Variants in HDAC4 observed in about 807,000 individuals in gnomAD.
HDAC4 encodes the protein histone deacetylase A.
A neutral mutation model predicts 135.1 loss-of-function variants in HDAC4; 16 were observed. The observed-to-expected ratio is 0.12, with a 90% CI of 0.08 to 0.18. The LOEUF (loss-of-function observed/expected upper bound fraction) is 0.18, where lower values mean the gene tolerates loss of function less well. Among genes scored for constraint, HDAC4 ranks in the 10% least tolerant of loss-of-function variants. HDAC4 has a pLI of 1.00. For synonymous variants in HDAC4, 685 were observed against 653.4 expected (o/e 1.05, Z -0.74); for missense variants, 1,143 against 1,511.8 (o/e 0.76, Z 4.05).
At chr2:239,373,860 G>A (rs1349795090) in intron 1 of HDAC4, among the ~76,000 whole-genome samples, 2 of 152,186 alleles carry the variant, frequency 1.3e-5, no homozygotes, top group African/African-American at 4.8e-5. Flanking sequence ...GGGTCAATGA[G>A]GACGGGTCCT....
chr2:239,367,580 T>C (rs1694303562), intron 1 of HDAC4, among the ~76,000 whole-genome samples: 1 of 152,160 alleles, frequency 6.6e-6, no homozygotes, highest in African/African-American at 2.4e-5. Context: ...AGTGGAAAAT[T>C]CCATACCTGA....
intron 1 of HDAC4, among the ~76,000 whole-genome samples, chr2:239,389,912 G>A (rs956793046): frequency 2.0e-5 from 3 of 152,202 alleles, no homozygotes; most frequent in South Asian, 2.1e-4. Context: ...AGTTCAATAC[G>A]TGGCTGGAGC....
In HDAC4 at chr2:239,176,525, C is replaced by T. The variant is rs1231524910; in HGVS notation, c.378G>A (p.Glu126=). 5 of 1,613,380 alleles carry T rather than the reference C, an allele frequency of 3.1e-6. No individual in the cohort carries two copies. The South Asian group carries it at 4.4e-5, about 14-fold the overall frequency. Residue 126 remains glutamate, a synonymous_variant, in exon 5 of 27, where the codon GAG becomes GAA. Coordinates refer to ENST00000543185, the MANE Select transcript of HDAC4 (RefSeq NM_001378414.1). The stretch of plus-strand genomic sequence containing the variant: ...CCAGCTTCCGCTGGTGTTCCAGCAG[C>T]TCCTGCTGGTGCTTCATGGCCAGCA... ...QEMLAMKHQQ[E]LLEHQRKLER...
chr2:239,399,162 G>C (rs1051913305), intron 1 of HDAC4, among the ~76,000 whole-genome samples: 3 of 152,112 alleles, frequency 2.0e-5, no homozygotes, highest in African/African-American at 4.8e-5. Flanking sequence ...ATTGAACACA[G>C]ATTTTAGAAT....
intron 3 of HDAC4, among the ~76,000 whole-genome samples, chr2:239,236,318 T>C (rs2153179564): frequency 6.6e-6 from 1 of 152,306 alleles, no homozygotes; most frequent in East Asian, 1.9e-4. Flanking sequence ...AGCCAGGCAG[T>C]TGGTGCCTTT....
At chr2:239,208,326 CAAAAAAAA>C (rs759398313) in intron 3 of HDAC4, among the ~76,000 whole-genome samples, 2 of 68,214 alleles carry the variant, frequency 2.9e-5, no homozygotes, top group African/African-American at 1.0e-4. Context: ...GACTCCGTCC[CAAAAAAAA>C]AAAAAAAAAA....
At chr2:239,136,978 T>G (rs1559495175) in intron 9 of HDAC4, among the ~76,000 whole-genome samples, 1 of 152,208 alleles carries the variant, frequency 6.6e-6, no homozygotes, top group Non-Finnish European at 1.5e-5. Context: ...CTAGGCAATT[T>G]TTTTTTTGTC....
chr2:239,055,506 C>T (rs1574842728), intron 24 of HDAC4, among the ~76,000 whole-genome samples: 1 of 152,210 alleles, frequency 6.6e-6, no homozygotes, highest in East Asian at 1.9e-4. Context: ...CACTTGAGGT[C>T]AGGCGTTCCA....
intron 2 of HDAC4, among the ~76,000 whole-genome samples, chr2:239,279,018 C>A (rs1195300346): frequency 6.6e-6 from 1 of 152,182 alleles, no homozygotes; most frequent in East Asian, 1.9e-4. Flanking sequence ...GACTGAAAAA[C>A]CAGAAAGAAA....
intron 2 of HDAC4, chr2:239,298,120 G>A (rs566632599): frequency 1.0e-6 from 1 of 1,000,428 alleles, no homozygotes; most frequent in Admixed American, 2.3e-5. Flanking sequence ...AAAATTAATG[G>A]ACTAAAACAT....
At chr2:239,304,072 G>C (rs2052431667) in intron 2 of HDAC4, among the ~76,000 whole-genome samples, 1 of 152,252 alleles carries the variant, frequency 6.6e-6, no homozygotes, top group Non-Finnish European at 1.5e-5. Flanking sequence ...TGCAGGCCCA[G>C]CTCCCCGACC....
intron 1 of HDAC4, among the ~76,000 whole-genome samples, chr2:239,393,329 A>G (rs1441688308): frequency 6.6e-6 from 1 of 152,206 alleles, no homozygotes; most frequent in Non-Finnish European, 1.5e-5. Flanking sequence ...ACCCAGCTGG[A>G]GCCAGGCACC....
At chr2:239,280,257 G>C (rs2050626788) in intron 2 of HDAC4, among the ~76,000 whole-genome samples, 1 of 152,212 alleles carries the variant, frequency 6.6e-6, no homozygotes, top group Non-Finnish European at 1.5e-5. Context: ...GGGCAAAGCT[G>C]ATGTGCGAGT....
At chr2:239,076,195 G>A (rs1011514727) in intron 22 of HDAC4, among the ~76,000 whole-genome samples, 1 of 151,386 alleles carries the variant, frequency 6.6e-6, no homozygotes, top group African/African-American at 2.4e-5. Context: ...GGGTTGGGTT[G>A]GAACAGCAGG....
At chr2:239,348,908 A>G (rs1388424865) in intron 2 of HDAC4, among the ~76,000 whole-genome samples, 1 of 152,266 alleles carries the variant, frequency 6.6e-6, no homozygotes, top group African/African-American at 2.4e-5. Context: ...CAGCGGGAAC[A>G]GCAATAAAAC....
At chr2:239,107,688 G>A (rs535410957) in intron 15 of HDAC4, among the ~76,000 whole-genome samples, 1 of 152,244 alleles carries the variant, frequency 6.6e-6, no homozygotes, top group Non-Finnish European at 1.5e-5. Flanking sequence ...TGGCAGCCCT[G>A]GGGGAGCATG....
chr2:239,150,203 G>GTACACACACAGACACACAGA (rs2042022155), intron 7 of HDAC4, among the ~76,000 whole-genome samples: 3 of 151,748 alleles, frequency 2.0e-5, no homozygotes, highest in African/African-American at 7.3e-5. Context: ...AGAAACACAG[G>GTACACACACAGACACACAGA]TACACACACA....
Position 239,134,337 on chromosome 2 carries a change from G to C in HDAC4, c.1202C>G (p.Pro401Arg). The change falls in exon 11 of 27, where the codon CCC (proline) becomes CGC (arginine). Residue 401 changes from proline (P) to arginine (R), a missense_variant. Physicochemically the swap from Pro to Arg is moderately radical, Grantham distance 103. Coordinates refer to ENST00000543185, the MANE Select transcript of HDAC4 (RefSeq NM_001378414.1). ...THLTPYLSTS[P>R]LERDGGAAHS... ...CGCTGCCCCTCCGTCCCGCTCCAAG[G>C]GCGAGGTGCTCAGGTAGGGAGTGAG... 6.2e-7 allele frequency: 1 copy of C among 1,613,992 alleles called. No homozygotes were observed. Among genetic ancestry groups the C allele is most frequent in the Non-Finnish European group, 8.5e-7 (1 of 1,180,014 alleles).
intron 3 of HDAC4, among the ~76,000 whole-genome samples, chr2:239,229,019 G>A (rs977990291): frequency 6.6e-6 from 1 of 152,234 alleles, no homozygotes; most frequent in Middle Eastern, 3.4e-3. Context: ...GCGGGCGCCT[G>A]TAATCCCAGC....
Sources: allele counts gnomAD v4.1 joint callset (sites outside exome capture counted in the v4.1 genomes callset), GRCh38; gene constraint gnomAD v4.1.1; transcripts MANE v1.5; gene names NCBI Gene and HGNC (gene_info 2026-07-23, HGNC 2026-07-21).